TENT2: variants seen among roughly 807,000 people sequenced by gnomAD.
TENT2 encodes poly(A) RNA polymerase GLD2.
In TENT2, 44 loss-of-function variants were observed where a neutral mutation model predicts 72.2. The ratio of observed to expected loss-of-function variants is 0.61; its 90% CI spans 0.48 to 0.78. The LOEUF (loss-of-function observed/expected upper bound fraction) is 0.78, where lower values mean the gene tolerates loss of function less well. TENT2 is among the 30% of genes least tolerant of loss of function. The probability of loss-of-function intolerance (pLI) is 0.00; values close to 1 mark genes in which losing one functional copy is unlikely to be tolerated. For synonymous variants in TENT2, 212 were observed against 192.5 expected (o/e 1.10, Z -0.84); for missense variants, 541 against 569.6 (o/e 0.95, Z 0.51).
intron 10 of TENT2, among the ~76,000 whole-genome samples, chr5:79,655,804 T>C (rs1386748659): frequency 6.6e-6 from 1 of 151,744 alleles, no homozygotes; most frequent in Admixed American, 6.6e-5. Flanking sequence ...ACACATACCA[T>C]GGAATTTTAT....
At chr5:79,652,039 T>C (rs1288834443) in intron 10 of TENT2, among the ~76,000 whole-genome samples, 2 of 152,104 alleles carry the variant, frequency 1.3e-5, no homozygotes, top group Admixed American at 6.5e-5. Flanking sequence ...GCTGAGAGTG[T>C]TGATTTGGTA....
At chr5:79,664,903 G>A (rs1163471299) in intron 11 of TENT2, among the ~76,000 whole-genome samples, 3 of 152,164 alleles carry the variant, frequency 2.0e-5, no homozygotes, top group Non-Finnish European at 4.4e-5. Flanking sequence ...GCAGCTAATA[G>A]AAGGGTGATG....
chr5:79,656,485 G>A (rs994293150), intron 10 of TENT2, among the ~76,000 whole-genome samples: 1 of 151,844 alleles, frequency 6.6e-6, no homozygotes, highest in South Asian at 2.1e-4. Flanking sequence ...TTCAATTTTG[G>A]TATTGTTAGT....
intron 11 of TENT2, among the ~76,000 whole-genome samples, chr5:79,663,234 A>G (rs1804469918): frequency 6.6e-6 from 1 of 152,196 alleles, no homozygotes; most frequent in South Asian, 2.1e-4. Flanking sequence ...AGACCAGTGA[A>G]ACTTTCCATA....
chr5:79,656,766 C>T (rs866383512), intron 10 of TENT2, 192 bp from the exon 11 acceptor site: 1 of 492,770 alleles, frequency 2.0e-6, no homozygotes, highest in South Asian at 3.1e-5. Flanking sequence ...ATTAATAAAA[C>T]CTTAGTTTGT....
At chr5:79,664,103 G>A in intron 11 of TENT2, among the ~76,000 whole-genome samples, 1 of 152,110 alleles carries the variant, frequency 6.6e-6, no homozygotes, top group East Asian at 1.9e-4. Flanking sequence ...ATATGAGAAG[G>A]TGTACATAGG....
chr5:79,613,248 G>A (rs975407276), intron 1 of TENT2, among the ~76,000 whole-genome samples, 173 bp downstream of exon 1: 3 of 152,174 alleles, frequency 2.0e-5, no homozygotes, highest in African/African-American at 7.2e-5. Context: ...GTCTCTCAAG[G>A]TGAGAACACG....
intron 12 of TENT2, among the ~76,000 whole-genome samples, chr5:79,677,745 T>C (rs1818315296): frequency 3.3e-5 from 5 of 152,302 alleles, no homozygotes. Context: ...CTCTTCACAT[T>C]GTTGTTGTAA....
intron 11 of TENT2, among the ~76,000 whole-genome samples, chr5:79,660,190 G>T (rs1801691703): frequency 6.6e-6 from 1 of 151,850 alleles, no homozygotes; most frequent in Admixed American, 6.6e-5. Flanking sequence ...GGGATAAAAG[G>T]CTATAAACAT....
In TENT2 at chr5:79,629,358, T is replaced by C. The variant is rs193233205; in HGVS notation, c.465+5869T>C. On this transcript the variant is annotated intron_variant, in intron 4 of 14. Transcript: ENST00000453514. The stretch of plus-strand genomic sequence containing the variant: ...GAGGTCAGGCTAGAGATACGGATTC[T>C]TAAGAGATCTGAAACAAAAGTGACA... 6.6e-5 allele frequency among the ~76,000 whole-genome samples: 10 copies of C among 152,336 alleles called. 1 individual carries two copies. The highest frequency in any genetic ancestry group is 2.4e-4 in the African/African-American group (10 of 41,572).
In TENT2 at chr5:79,640,853, G is replaced by T; in HGVS notation, c.468G>T (p.Leu156Phe). 2 of 1,591,820 alleles carry T rather than the reference G, an allele frequency of 1.3e-6. No homozygotes were observed. Among genetic ancestry groups the T allele is most frequent in the Non-Finnish European group, 1.7e-6 (2 of 1,172,020 alleles). ...CTTTTTTTTGCGGTGGATTCAAGTT[G>T]AGTCAGCAGATACTGGAGTTATTTG... ...EITLPEAKDK[L>F]SQQILELFET... is the part of the protein sequence containing the mutation. The change falls in exon 5 of 15, where the codon TTG becomes TTT. Residue 156 changes from leucine (L) to phenylalanine (F), a missense_variant and splice_region_variant. Transcript: ENST00000453514.
At position 79,682,005 on chromosome 5, in the gene TENT2, G is replaced by A; in HGVS notation, c.1324G>A (p.Ala442Thr). 1 of 1,613,432 alleles carries A rather than the reference G, an allele frequency of 6.2e-7. No homozygotes were observed. Among genetic ancestry groups the A allele is most frequent in the East Asian group, 2.2e-5 (1 of 44,810 alleles). Residue 442 changes from alanine to threonine, a missense_variant, in exon 14 of 15, where the codon GCC (alanine) becomes ACC (threonine). Coordinates refer to ENST00000453514, the MANE Select transcript of TENT2 (RefSeq NM_001114394.3). ...AGAACCTTTTGATGGAACAAATACA[G>A]CCAGAGCAGTGCACGAAAAGCAGAA... is the stretch of plus-strand genomic sequence containing the variant. The part of the protein sequence containing the change: ...VEEPFDGTNT[A>T]RAVHEKQKFD...
At chr5:79,621,322 T>C (rs1338745832) in intron 3 of TENT2, among the ~76,000 whole-genome samples, 1 of 152,188 alleles carries the variant, frequency 6.6e-6, no homozygotes, top group African/African-American at 2.4e-5. Flanking sequence ...TGTCTCTGAG[T>C]CATATGCTTA....
chr5:79,661,176 T>C (rs992111329), intron 11 of TENT2, among the ~76,000 whole-genome samples: 1 of 152,070 alleles, frequency 6.6e-6, no homozygotes, highest in Admixed American at 6.6e-5. Flanking sequence ...AAGAAAAATT[T>C]TAAAATAAAC....
chr5:79,627,473 A>G (rs544327718), intron 4 of TENT2, among the ~76,000 whole-genome samples: 11 of 152,256 alleles, frequency 7.2e-5, no homozygotes, highest in Admixed American at 7.2e-4. Context: ...AGATTGTGTA[A>G]TTGAACCAAT....
chr5:79,666,390 C>T (rs1312376195), intron 11 of TENT2, among the ~76,000 whole-genome samples: 40 of 144,998 alleles, frequency 2.8e-4, no homozygotes, highest in Non-Finnish European at 4.1e-4. Context: ...TTTTTTTTTG[C>T]GATAAGGTCT....
At chr5:79,643,638 T>C (rs1786217832) in intron 7 of TENT2, among the ~76,000 whole-genome samples, 1 of 152,168 alleles carries the variant, frequency 6.6e-6, no homozygotes, top group Non-Finnish European at 1.5e-5. Flanking sequence ...AACTTACATC[T>C]GTTCTAGGAG....
intron 4 of TENT2, among the ~76,000 whole-genome samples, chr5:79,634,882 T>C (rs555905507): frequency 6.6e-6 from 1 of 152,036 alleles, no homozygotes; most frequent in African/African-American, 2.4e-5. Flanking sequence ...GGGGTCTTAC[T>C]AAGTTACCCA....
chr5:79,656,681 A>G (rs1798196570), intron 10 of TENT2, among the ~76,000 whole-genome samples: 1 of 151,944 alleles, frequency 6.6e-6, no homozygotes, highest in South Asian at 2.1e-4. Flanking sequence ...CAAATTATGT[A>G]TGTCCCTTTA....
Sources: allele counts gnomAD v4.1 joint callset (sites outside exome capture counted in the v4.1 genomes callset), GRCh38; gene constraint gnomAD v4.1.1; transcripts MANE v1.5; gene names NCBI Gene and HGNC (gene_info 2026-07-23, HGNC 2026-07-21).